DNAI3: variants seen among roughly 807,000 people sequenced by gnomAD.
The protein encoded by DNAI3 is dynein axonemal intermediate chain 3, also known as WD repeat domain 63.
In DNAI3, 83 loss-of-function variants were observed where a neutral mutation model predicts 115.5. The observed-to-expected ratio is 0.72, with a 90% CI of 0.60 to 0.86. The LOEUF is 0.86. Among genes scored for constraint, DNAI3 ranks in the 40% least tolerant of loss-of-function variants. The probability of loss-of-function intolerance (pLI) is 0.00; values close to 1 mark genes in which losing one functional copy is unlikely to be tolerated. For missense variants in DNAI3, 1,004 were observed against 1,075.8 expected, an observed-to-expected ratio of 0.93 and a Z score of 0.93; for synonymous variants, 320 against 347.0, an observed-to-expected ratio of 0.92 and a Z score of 0.86.
intron 2 of DNAI3, 82 bp downstream of exon 2, chr1:85,072,087 T>C (rs1654293769): frequency 7.8e-7 from 1 of 1,286,940 alleles, no homozygotes; most frequent in Admixed American, 2.4e-5. Context: ...TGGTTTTACA[T>C]ATCAAATGAA....
chr1:85,072,143 T>G, intron 2 of DNAI3, 138 bp downstream of exon 2: 1 of 794,316 alleles, frequency 1.3e-6, no homozygotes, highest in Non-Finnish European at 2.0e-6. Flanking sequence ...AGGAATAAGA[T>G]ATATGGAGAT....
At chr1:85,095,829 G>T in intron 10 of DNAI3, 102 bp from the exon 11 acceptor site, 5 of 1,134,816 alleles carry the variant, frequency 4.4e-6, no homozygotes, top group Non-Finnish European at 5.3e-6. Flanking sequence ...CTTGCTTATA[G>T]ATAGCTATAA....
chr1:85,108,259 A>G lies in DNAI3; in HGVS notation c.1698+82A>G, dbSNP rs959141546. The G allele has an allele frequency of 2.2e-6, 3 of 1,363,990 alleles. No individual in the cohort carries two copies. The African/African-American group carries it at 4.4e-5, about 20-fold the overall frequency. The allele number at this position is 1,363,990 out of a possible 1,614,324, so 84.5% of individuals were successfully genotyped here. On this transcript the variant is annotated intron_variant, in intron 15 of 22. Coordinates refer to ENST00000294664, the MANE Select transcript of DNAI3 (RefSeq NM_145172.5). The stretch of plus-strand genomic sequence containing the variant: ...CATGCATAGACATACATATACACAC[A>G]CTCTCTAAAAGTAGAGCAGCTCAGA...
At chr1:85,093,331 C>A in intron 8 of DNAI3, 127 bp from the exon 9 acceptor site, 1 of 901,404 alleles carries the variant, frequency 1.1e-6, no homozygotes, top group Non-Finnish European at 1.6e-6. Context: ...ATCATTATCA[C>A]CAAATATAAT....
chr1:85,085,396 G>A lies in DNAI3; in HGVS notation c.541-435G>A, dbSNP rs78535547. On this transcript the variant is annotated intron_variant, in intron 6 of 22. Transcript: ENST00000294664. ...GGTTTATTAGGAAAGTGCCCCAGAA[G>A]AGAACATGACAAGCGCTGAACAGGG... Among the ~76,000 whole-genome samples the A allele has an allele frequency of 8.5e-3, 1,287 of 152,276 alleles. 28 individuals are homozygous for A. The highest frequency in any genetic ancestry group is 0.082 in the East Asian group (425 of 5,174).
At position 85,064,503 on chromosome 1, in the gene DNAI3, T is replaced by G. The variant is rs6576746; in HGVS notation, c.-15+2017T>G. Among the ~76,000 whole-genome samples, 1,337 of 152,282 alleles carry G rather than the reference T, an allele frequency of 8.8e-3. 21 individuals are homozygous for G. Among genetic ancestry groups the G allele is most frequent in the African/African-American group, 0.031 (1,272 of 41,548 alleles). ...GTTTAATCAGGGTCTTAGTGAAGATTTACTGAGAATCAATAGTTCTTGCAG... is the reference window on the plus strand; with the variant it reads ...GTTTAATCAGGGTCTTAGTGAAGATGTACTGAGAATCAATAGTTCTTGCAG... On this transcript the variant is annotated intron_variant, in intron 1 of 22. Coordinates refer to ENST00000294664, the MANE Select transcript of DNAI3 (RefSeq NM_145172.5).
At position 85,066,316 on chromosome 1, in the gene DNAI3, T is replaced by A. The variant is rs1302691284; in HGVS notation, c.-15+3830T>A. Among the ~76,000 whole-genome samples the A allele has an allele frequency of 3.5e-3, 408 of 114,960 alleles. 9 individuals are homozygous for A. Among genetic ancestry groups the A allele is most frequent in the African/African-American group, 0.013 (369 of 29,434 alleles). 75.4% of individuals were successfully genotyped at this position (114,960 alleles called of 152,430 possible). The stretch of plus-strand genomic sequence containing the variant: ...GACGAATTATCTCTTCTGCTACTCT[T>A]TTTTTTTTTTTTTTTTTTTTTTTTG... On this transcript the variant is annotated intron_variant, in intron 1 of 22. Coordinates refer to ENST00000294664, the MANE Select transcript of DNAI3 (RefSeq NM_145172.5).
intron 16 of DNAI3, among the ~76,000 whole-genome samples, chr1:85,115,710 G>T (rs544398716): frequency 3.3e-5 from 5 of 151,334 alleles, no homozygotes; most frequent in Non-Finnish European, 5.9e-5. Flanking sequence ...AGGGGGAGGT[G>T]GGGGCAGGGG....
chr1:85,114,772 C>T (rs1201130739), intron 16 of DNAI3, among the ~76,000 whole-genome samples: 5 of 152,204 alleles, frequency 3.3e-5, no homozygotes, highest in African/African-American at 1.2e-4. Flanking sequence ...TCTCCTTTGA[C>T]TGTATCACAA....
intron 17 of DNAI3, among the ~76,000 whole-genome samples, chr1:85,119,946 C>T (rs1010197252): frequency 1.3e-5 from 2 of 152,176 alleles, no homozygotes; most frequent in Non-Finnish European, 2.9e-5. Context: ...GTGATCCGCT[C>T]GCCTTGGACT....
chr1:85,085,490 C>T (rs1437375800), intron 6 of DNAI3, among the ~76,000 whole-genome samples: 1 of 152,154 alleles, frequency 6.6e-6, no homozygotes, highest in Non-Finnish European at 1.5e-5. Flanking sequence ...TCAGCCAAAC[C>T]CAAAGAGGTA....
intron 3 of DNAI3, among the ~76,000 whole-genome samples, chr1:85,076,485 C>T (rs1411954994): frequency 6.6e-6 from 1 of 152,142 alleles, no homozygotes. Flanking sequence ...AAAGACATAC[C>T]TGAGACTGGA....
chr1:85,089,103 T>A (rs1471181), intron 7 of DNAI3, among the ~76,000 whole-genome samples: 13,339 of 152,170 alleles, frequency 0.088, 835 homozygotes, highest in East Asian at 0.24. Flanking sequence ...ACACAAATAC[T>A]ACATAATATT....
Position 85,093,629 on chromosome 1 carries a change from A to G in DNAI3, c.1029A>G (p.Ser343=), listed in dbSNP as rs1474261897. The change falls in exon 9 of 23, where the codon TCA becomes TCG. Residue 343 remains serine (S), a synonymous_variant. Transcript: ENST00000294664. ...SPTEKMITCV[S]WHPTIYGLIA... ...CGGAGAAAATGATTACCTGTGTCTC[A>G]TGGCATCCAACTATCTATGGTGAGA... The G allele has an allele frequency of 2.5e-6, 4 of 1,613,080 alleles. No homozygotes were observed. The South Asian group carries it at 3.3e-5, about 13-fold the overall frequency.
chr1:85,094,348 G>C, intron 9 of DNAI3, 83 bp from the exon 10 acceptor site: 2 of 1,551,332 alleles, frequency 1.3e-6, no homozygotes. Flanking sequence ...AATGAAGAGT[G>C]GCTGTGTAGA....
chr1:85,093,360 G>A, intron 8 of DNAI3, 98 bp from the exon 9 acceptor site: 2 of 1,048,450 alleles, frequency 1.9e-6, no homozygotes, highest in Non-Finnish European at 2.8e-6. Context: ...ATTATTTTTT[G>A]TTCAGTATAA....
chr1:85,103,401 G>T (rs758411121), intron 13 of DNAI3, among the ~76,000 whole-genome samples: 1 of 152,046 alleles, frequency 6.6e-6, no homozygotes, highest in Non-Finnish European at 1.5e-5. Flanking sequence ...TCTTACAACA[G>T]TCATGGCACA....
Position 85,105,833 on chromosome 1 carries a change from G to T in DNAI3, c.1553+1236G>T, listed in dbSNP as rs528303975. ...GATTCAAATTAACTGGAAGGGGTGT[G>T]CCTGGCTCCTACTGTATCATGAACC... On this transcript the variant is annotated intron_variant, in intron 14 of 22. Coordinates refer to ENST00000294664, the MANE Select transcript of DNAI3 (RefSeq NM_145172.5). Among the ~76,000 whole-genome samples the T allele has an allele frequency of 2.0e-5, 3 of 152,286 alleles. No individual in the cohort carries two copies. The South Asian group carries it at 6.2e-4, about 32-fold the overall frequency.
At chr1:85,114,694 G>C (rs965852973) in intron 16 of DNAI3, among the ~76,000 whole-genome samples, 1 of 152,112 alleles carries the variant, frequency 6.6e-6, no homozygotes, top group Non-Finnish European at 1.5e-5. Flanking sequence ...GACCAGACTT[G>C]GCCCTGTTAA....
Sources: allele counts gnomAD v4.1 joint callset (sites outside exome capture counted in the v4.1 genomes callset), GRCh38; gene constraint gnomAD v4.1.1; transcripts MANE v1.5; gene names NCBI Gene and HGNC (gene_info 2026-07-23, HGNC 2026-07-21).